Variants in KBTBD2 observed in about 807,000 individuals in gnomAD.
KBTBD2 encodes kelch repeat and BTB domain-containing protein 2.
Under a neutral mutation model 57.1 loss-of-function variants are expected in KBTBD2, and 17 were observed. That is an observed-to-expected ratio of 0.30 (90% CI 0.20 to 0.45). The LOEUF is 0.45. Ranked by LOEUF, KBTBD2 falls within the 20% of genes least tolerant of loss-of-function variation. The probability of loss-of-function intolerance (pLI) is 1.00; values close to 1 mark genes in which losing one functional copy is unlikely to be tolerated. For missense variants in KBTBD2, 515 were observed against 750.6 expected, an observed-to-expected ratio of 0.69 and a Z score of 3.67; for synonymous variants, 267 against 262.7, an observed-to-expected ratio of 1.02 and a Z score of -0.16.
rs751852705 is a variant in KBTBD2 at position 32,869,812 on chromosome 7, C to T, written c.1405G>A (p.Asp469Asn). The stretch of plus-strand genomic sequence containing the variant: ...AACCCTCCAATATAGAAAATTTTAT[C>T]ACCAAAAGCTGCAGCTGAAGCAAAG... Reference protein sequence around the residue: ...RSFASAAAFGDKIFYIGGLHI... With the variant: ...RSFASAAAFGNKIFYIGGLHI... Residue 469 changes from aspartate to asparagine, a missense_variant, in exon 4 of 4, where the codon GAT (aspartate) becomes AAT (asparagine). By Grantham distance (23) the Asp-to-Asn change is conservative. Transcript: ENST00000304056. 8.7e-6 allele frequency: 14 copies of T among 1,613,726 alleles called. No homozygotes were observed. Among genetic ancestry groups the T allele is most frequent in the Non-Finnish European group, 1.2e-5 (14 of 1,180,032 alleles).
chr7:32,891,280 C>G (rs1304306893), intron 1 of KBTBD2: 32 of 148,948 alleles, frequency 2.1e-4, no homozygotes, highest in Admixed American at 1.5e-3. Flanking sequence ...CGTACCGGGC[C>G]GCCCCTTCCC....
Position 32,869,887 on chromosome 7 carries a change from G to C in KBTBD2, c.1330C>G (p.Pro444Ala). The C allele has an allele frequency of 3.7e-6, 6 of 1,613,700 alleles. No individual in the cohort carries two copies. The highest frequency in any genetic ancestry group is 5.1e-6 in the Non-Finnish European group (6 of 1,180,010). ...ATTTCTACCCATGAGTCAGACCTTG[G>C]AAAATAACAGTACATGAGGTTCAGT... ...MTLNLMYCYF[P>A]RSDSWVEMAM... Residue 444 changes from proline (P) to alanine (A), a missense_variant, in exon 4 of 4, where the codon CCA (proline) becomes GCA (alanine). By Grantham distance (27) the Pro-to-Ala change is conservative (BLOSUM62 -1). Coordinates refer to ENST00000304056, the MANE Select transcript of KBTBD2 (RefSeq NM_015483.3).
chr7:32,875,230 T>C, intron 2 of KBTBD2, 73 bp from the exon 3 acceptor site: 1 of 1,328,982 alleles, frequency 7.5e-7, no homozygotes, highest in South Asian at 1.3e-5. Context: ...AAAGAACAAT[T>C]AGACAATAAG....
intron 1 of KBTBD2, among the ~76,000 whole-genome samples, chr7:32,890,077 G>A (rs1784691991): frequency 8.5e-6 from 1 of 117,912 alleles, no homozygotes; most frequent in Non-Finnish European, 1.7e-5. Flanking sequence ...AAGGGGAGTA[G>A]AGTTACAGCA....
At chr7:32,874,292 C>T (rs528413491) in intron 3 of KBTBD2, among the ~76,000 whole-genome samples, 2 of 151,750 alleles carry the variant, frequency 1.3e-5, no homozygotes, top group African/African-American at 2.4e-5. Flanking sequence ...CCCAGCTACT[C>T]GGGAGGCTGA....
intron 2 of KBTBD2, among the ~76,000 whole-genome samples, chr7:32,878,311 T>C (rs1034494621): frequency 6.6e-6 from 1 of 152,242 alleles, no homozygotes; most frequent in African/African-American, 2.4e-5. Context: ...CGGTGCGCAG[T>C]GGCTCACGCC....
chr7:32,888,162 T>C (rs969466686), intron 1 of KBTBD2, among the ~76,000 whole-genome samples: 1 of 152,228 alleles, frequency 6.6e-6, no homozygotes, highest in African/African-American at 2.4e-5. Context: ...TTTGCAAACA[T>C]TTGACACTTG....
chr7:32,870,334 C>G lies in KBTBD2; in HGVS notation c.883G>C (p.Val295Leu), dbSNP rs756947010. Residue 295 changes from valine (V) to leucine (L), a missense_variant, in exon 4 of 4, where the codon GTT (valine) becomes CTT (leucine). Physicochemically the swap from Val to Leu is conservative, Grantham distance 32. Transcript: ENST00000304056. ...SVCYSPQAEKVYKLCSPPADL... is the reference protein window; with the variant it reads ...SVCYSPQAEKLYKLCSPPADL... ...GCTGGTGGGCTACATAACTTGTAAA[C>G]TTTTTCTGCTTGGGGGCTGTAACAG... is the stretch of plus-strand genomic sequence containing the variant. 2 of 1,613,722 alleles carry G rather than the reference C, an allele frequency of 1.2e-6. No individual in the cohort carries two copies. Among genetic ancestry groups the G allele is most frequent in the Admixed American group, 3.3e-5 (2 of 59,966 alleles).
intron 1 of KBTBD2, 48 bp downstream of exon 1, chr7:32,891,488 G>A (rs1784740598): frequency 6.6e-6 from 1 of 150,884 alleles, no homozygotes; most frequent in Admixed American, 6.6e-5. Flanking sequence ...CCCCTCCACA[G>A]GTCGCCGCGG....
chr7:32,869,090 G>C lies in KBTBD2; in HGVS notation c.*255C>G, dbSNP rs1475528374. On this transcript the variant is annotated 3_prime_UTR_variant, in exon 4 of 4. Transcript: ENST00000304056. The stretch of plus-strand genomic sequence containing the variant: ...AGGGCTAACAATGTTAGATAATCCA[G>C]ATTCTTATACTCTCATGATTACACA... 4 of 362,292 alleles carry C rather than the reference G, an allele frequency of 1.1e-5. No homozygotes were observed. The highest frequency in any genetic ancestry group is 2.0e-5 in the Non-Finnish European group (4 of 200,966). 22.4% of individuals were successfully genotyped at this position (362,292 alleles called of 1,614,324 possible).
chr7:32,886,507 T>TTA (rs1491175873), intron 1 of KBTBD2, among the ~76,000 whole-genome samples: 1 of 152,166 alleles, frequency 6.6e-6, no homozygotes, highest in Non-Finnish European at 1.5e-5. Context: ...TAGAGATGAC[T>TTA]TAAAGTATTG....
At chr7:32,884,950 T>TCA (rs1784531283) in intron 1 of KBTBD2, among the ~76,000 whole-genome samples, 1 of 144,758 alleles carries the variant, frequency 6.9e-6, no homozygotes, top group Non-Finnish European at 1.5e-5. Flanking sequence ...TATATTTCTT[T>TCA]TATATATATA....
In KBTBD2 at chr7:32,870,194, C is replaced by G. The variant is rs758322713; in HGVS notation, c.1023G>C (p.Gln341His). 6.2e-7 allele frequency: 1 copy of G among 1,614,140 alleles called. No homozygotes were observed. Among genetic ancestry groups the G allele is most frequent in the East Asian group, 2.2e-5 (1 of 44,874 alleles). ...KTNHSKTSKL[Q>H]TAFRTVNCFY... is the part of the protein sequence containing the mutation. ...AGCAATTCACAGTTCTGAAGGCAGT[C>G]TGAAGTTTGCTTGTTTTACTGTGAT... Residue 341 changes from glutamine to histidine, a missense_variant, in exon 4 of 4, where the codon CAG becomes CAC. Coordinates refer to ENST00000304056, the MANE Select transcript of KBTBD2 (RefSeq NM_015483.3).
intron 3 of KBTBD2, among the ~76,000 whole-genome samples, chr7:32,874,251 T>A (rs1389604559): frequency 6.6e-6 from 1 of 151,642 alleles, no homozygotes; most frequent in Admixed American, 6.6e-5. Flanking sequence ...ATACAAAAAA[T>A]TAGCCGGGGG....
In KBTBD2 at chr7:32,885,006, A is replaced by G. The variant is rs867516650; in HGVS notation, c.-338-5064T>C. On this transcript the variant is annotated intron_variant, in intron 1 of 3. Transcript: ENST00000304056. The stretch of plus-strand genomic sequence containing the variant: ...TATATATATACACATATATGTGTAT[A>G]TATATATATATACACACACATACAC... 1.1e-3 allele frequency among the ~76,000 whole-genome samples: 154 copies of G among 134,694 alleles called. 1 individual carries two copies. Among genetic ancestry groups the G allele is most frequent in the Middle Eastern group, 3.7e-3 (1 of 272 alleles). 88.4% of individuals were successfully genotyped at this position (134,694 alleles called of 152,430 possible).
chr7:32,870,054 T>C lies in KBTBD2; in HGVS notation c.1163A>G (p.Asp388Gly). Residue 388 changes from aspartate to glycine, a missense_variant, in exon 4 of 4, where the codon GAT becomes GGT. Transcript: ENST00000304056. The part of the protein sequence containing the change: ...CEGYIYAIGG[D>G]SVGGELNRRT... ...CCGATTAAGTTCTCCACCTACGCTA[T>C]CTCCTCCAATTGCATAGATATAGCC... 1 of 1,614,178 alleles carries C rather than the reference T, an allele frequency of 6.2e-7. No homozygotes were observed. Among genetic ancestry groups the C allele is most frequent in the Non-Finnish European group, 8.5e-7 (1 of 1,180,016 alleles).
intron 2 of KBTBD2, 86 bp downstream of exon 2, chr7:32,879,349 C>G: frequency 9.5e-7 from 1 of 1,047,920 alleles, no homozygotes; most frequent in Non-Finnish European, 1.4e-6. Flanking sequence ...TTAAGCAAAA[C>G]TTAAAAACAA....
intron 1 of KBTBD2, chr7:32,891,027 T>G (rs558467387): frequency 2.6e-5 from 4 of 152,204 alleles, no homozygotes; most frequent in Non-Finnish European, 5.9e-5. Context: ...TAAGTCGATA[T>G]AGACCATAAC....
rs769801351 is a variant in KBTBD2 at position 32,870,485 on chromosome 7, C to A, written c.732G>T (p.Val244=). Residue 244 remains valine, a synonymous_variant, in exon 4 of 4, where the codon GTG becomes GTT. Coordinates refer to ENST00000304056, the MANE Select transcript of KBTBD2 (RefSeq NM_015483.3). Reference sequence around the variant, plus strand: ...TGGACTTATACAGACCTTGAACCACCACTGACTTATCATTGGGTGGCAGAC... The same window carrying A: ...TGGACTTATACAGACCTTGAACCACAACTGACTTATCATTGGGTGGCAGAC... ...FQGLPPNDKS[V]VVQGLYKSMP... The A allele has an allele frequency of 1.9e-6, 3 of 1,613,886 alleles. No individual in the cohort carries two copies. In the East Asian group the frequency reaches 6.7e-5, roughly 36 times the overall value.
Sources: gnomAD v4.1 joint callset for allele counts (sites outside exome capture counted in the v4.1 genomes callset) on GRCh38, gnomAD v4.1.1 for gene constraint, MANE v1.5 for transcripts, NCBI Gene and HGNC (gene_info 2026-07-23, HGNC 2026-07-21) for gene names.